Variants in USP5 observed in about 807,000 individuals in gnomAD.
USP5 encodes ubiquitin specific peptidase 5, also known as ubiquitin carboxyl-terminal hydrolase 5.
In USP5, 24 loss-of-function variants were observed where a neutral mutation model predicts 102.5. That is an observed-to-expected ratio of 0.23 (90% CI 0.17 to 0.33). The LOEUF is 0.33. Among genes scored for constraint, USP5 ranks in the 10% least tolerant of loss-of-function variants. The pLI, the probability that USP5 is intolerant of heterozygous loss-of-function variation, is 1.00. For synonymous variants in USP5, 460 were observed against 434.8 expected, an observed-to-expected ratio of 1.06 and a Z score of -0.72; for missense variants, 753 against 1,122.1, an observed-to-expected ratio of 0.67 and a Z score of 4.70.
rs1555130897 is a variant in USP5 at position 6,866,296 on chromosome 12, C to T, written c.*219C>T. 2.8e-5 allele frequency: 15 copies of T among 542,606 alleles called. No individual in the cohort carries two copies. The highest frequency in any genetic ancestry group is 1.9e-5 in the African/African-American group (1 of 53,104). 33.6% of individuals were successfully genotyped at this position (542,606 alleles called of 1,614,324 possible). A position where few individuals can be genotyped will look rare whatever the true frequency, so the allele number is the denominator to read the frequency against. On this transcript the variant is annotated 3_prime_UTR_variant, in exon 20 of 20. Transcript: ENST00000229268. The surrounding 1 kb of genome is among the most constrained non-coding windows in gnomAD (Gnocchi z 4.7). ...GCAGGACGGGGACGGGAGGGGCCGG[C>T]CACCTGTCTGTAAGGAGACTTTGTT...
chr12:6,857,630 C>T lies in USP5; in HGVS notation c.771C>T (p.Asp257=), dbSNP rs1336848084. The change falls in exon 7 of 20, where the codon GAC becomes GAT. Residue 257 remains aspartate (D), a splice_region_variant and synonymous_variant. Transcript: ENST00000229268. The stretch of plus-strand genomic sequence containing the variant: ...TTCTCTTCCTGCCTCCTGCTCTAGA[C>T]GTGTACTCATATGATGAGGATGACA... ...KLGTITPDGA[D]VYSYDEDDMV... 6.8e-6 allele frequency: 11 copies of T among 1,613,346 alleles called. No individual in the cohort carries two copies. Among genetic ancestry groups the T allele is most frequent in the South Asian group, 3.3e-5 (3 of 91,044 alleles).
At position 6,864,923 on chromosome 12, in the gene USP5, C is replaced by A; in HGVS notation, c.2398+48C>A. 1.9e-6 allele frequency: 3 copies of A among 1,584,874 alleles called. No homozygotes were observed. In the African/African-American group the frequency reaches 4.0e-5, roughly 21 times the overall value. ...ACAGGCCTGGTGGAATCTGGTCAGT[C>A]TACTACACCAGATCCCTCATTCAGG... On this transcript the variant is annotated intron_variant, in intron 18 of 19. Coordinates refer to ENST00000229268, the MANE Select transcript of USP5 (RefSeq NM_001098536.2). The surrounding 1 kb of genome is among the most constrained non-coding windows in gnomAD (Gnocchi z 4.8).
Position 6,864,969 on chromosome 12 carries a change from G to C in USP5, c.2398+94G>C. On this transcript the variant is annotated intron_variant, in intron 18 of 19. Transcript: ENST00000229268. The surrounding 1 kb of genome is among the most constrained non-coding windows in gnomAD (Gnocchi z 4.8). ...TCAGGCAGCTCTGCCCTCCTCAGGAGTCAGGGGCTTCTTTCCACCTCAACG... is the reference window on the plus strand; with the variant it reads ...TCAGGCAGCTCTGCCCTCCTCAGGACTCAGGGGCTTCTTTCCACCTCAACG... 6.6e-7 allele frequency: 1 copy of C among 1,508,750 alleles called. No homozygotes were observed. Among genetic ancestry groups the C allele is most frequent in the Non-Finnish European group, 8.9e-7 (1 of 1,123,072 alleles). 93.5% of individuals were successfully genotyped at this position (1,508,750 alleles called of 1,614,324 possible).
intron 6 of USP5, 124 bp downstream of exon 6, chr12:6,857,015 G>A: frequency 2.3e-6 from 3 of 1,305,544 alleles, no homozygotes; most frequent in Non-Finnish European, 3.1e-6. Flanking sequence ...GTCAGGTGCG[G>A]TGGCTCATGT....
At position 6,864,017 on chromosome 12, in the gene USP5, C is replaced by T; in HGVS notation, c.2099-33C>T. 2 of 1,584,276 alleles carry T rather than the reference C, an allele frequency of 1.3e-6. No individual in the cohort carries two copies. Among genetic ancestry groups the T allele is most frequent in the Non-Finnish European group, 1.7e-6 (2 of 1,160,612 alleles). ...CAGGGTGGGGCAGGGCCTCCATCCTCCCCCAAACACATCAACCCCTTCACA... is the reference window on the plus strand; with the variant it reads ...CAGGGTGGGGCAGGGCCTCCATCCTTCCCCAAACACATCAACCCCTTCACA... On this transcript the variant is annotated intron_variant, in intron 16 of 19. Coordinates refer to ENST00000229268, the MANE Select transcript of USP5 (RefSeq NM_001098536.2). The surrounding 1 kb of genome is among the most constrained non-coding windows in gnomAD (Gnocchi z 4.8).
rs782797766 is a variant in USP5, at chr12:6,858,056, C to G, written c.864+333C>G. Among the ~76,000 whole-genome samples the G allele has an allele frequency of 6.6e-6, 1 of 152,144 alleles. No homozygotes were observed. The highest frequency in any genetic ancestry group is 1.9e-4 in the East Asian group (1 of 5,156). On this transcript the variant is annotated intron_variant, in intron 7 of 19. Coordinates refer to ENST00000229268, the MANE Select transcript of USP5 (RefSeq NM_001098536.2). This position sits in a 1 kb window ranked among gnomAD's most constrained non-coding sequence, Gnocchi z 4.2. ...TGTGAAAGAGAGGCGGAGGGTACTA[C>G]AGTAATTGACAGCAGGGTGGCCTGG...
chr12:6,861,852 G>T lies in USP5; in HGVS notation c.1673+235G>T, dbSNP rs1183183629. On this transcript the variant is annotated intron_variant, in intron 13 of 19. Coordinates refer to ENST00000229268, the MANE Select transcript of USP5 (RefSeq NM_001098536.2). The surrounding 1 kb of genome is among the most constrained non-coding windows in gnomAD (Gnocchi z 4.9). ...ACCACTCCCTCTTCTGTGGCACAGG[G>T]TCTCTTTGTAGTGTAGCCTCTCTTC... Among the ~76,000 whole-genome samples, 2 of 152,212 alleles carry T rather than the reference G, an allele frequency of 1.3e-5. No homozygotes were observed. Among genetic ancestry groups the T allele is most frequent in the Non-Finnish European group, 1.5e-5 (1 of 68,036 alleles).
Position 6,863,679 on chromosome 12 carries a change from T to G in USP5, c.1955-151T>G. The stretch of plus-strand genomic sequence containing the variant: ...TGGGCAGGGACCCACATTACAATTG[T>G]GTGGTCATTTTGGTTTTGGGATAAG... On this transcript the variant is annotated intron_variant, in intron 15 of 19. Transcript: ENST00000229268. The surrounding 1 kb of genome is among the most constrained non-coding windows in gnomAD (Gnocchi z 4.7). 1 of 1,114,584 alleles carries G rather than the reference T, an allele frequency of 9.0e-7. No individual in the cohort carries two copies. The highest frequency in any genetic ancestry group is 1.3e-6 in the Non-Finnish European group (1 of 793,772). 69.0% of individuals were successfully genotyped at this position (1,114,584 alleles called of 1,614,324 possible). A position where few individuals can be genotyped will look rare whatever the true frequency, so the allele number is the denominator to read the frequency against.
rs1943937004 is a variant in USP5 at position 6,852,351 on chromosome 12, G to T, written c.111+61G>T. The T allele has an allele frequency of 7.9e-6, 12 of 1,509,832 alleles. No individual in the cohort carries two copies. The South Asian group carries it at 1.3e-4, about 17-fold the overall frequency. The allele number at this position is 1,509,832 out of a possible 1,614,324, so 93.5% of individuals were successfully genotyped here. A position where few individuals can be genotyped will look rare whatever the true frequency, so the allele number is the denominator to read the frequency against. On this transcript the variant is annotated intron_variant, in intron 1 of 19. Transcript: ENST00000229268. Reference sequence around the variant, plus strand: ...TTCCTTCCATCGCCCTGGTCATTCCGCTGGGGCCTGCAAGGCTTGGGCTAC... The same window carrying T: ...TTCCTTCCATCGCCCTGGTCATTCCTCTGGGGCCTGCAAGGCTTGGGCTAC...
Position 6,860,413 on chromosome 12 carries a change from C to T in USP5, c.1266C>T (p.Gly422=). ...IAPRMFKALI[G]KGHPEFSTNR... ...CTCGGATGTTCAAGGCCCTCATCGG[C>T]AAGGGCCACCCTGAATTCTCCACCA... Residue 422 remains glycine (G), a synonymous_variant, in exon 11 of 20, where the codon GGC becomes GGT. Coordinates refer to ENST00000229268, the MANE Select transcript of USP5 (RefSeq NM_001098536.2). This position sits in a 1 kb window ranked among gnomAD's most constrained non-coding sequence, Gnocchi z 5.5. The T allele has an allele frequency of 1.2e-6, 2 of 1,614,176 alleles. No individual in the cohort carries two copies. Among genetic ancestry groups the T allele is most frequent in the African/African-American group, 1.3e-5 (1 of 75,054 alleles).
intron 8 of USP5, 103 bp from the exon 9 acceptor site, chr12:6,859,367 C>G: frequency 8.3e-7 from 1 of 1,198,814 alleles, no homozygotes; most frequent in Non-Finnish European, 1.2e-6. Flanking sequence ...ACTCCCCACT[C>G]TTGAGGGGAG....
intron 14 of USP5, among the ~76,000 whole-genome samples, chr12:6,862,778 G>GT (rs1555129850): frequency 6.6e-6 from 1 of 152,158 alleles, no homozygotes; most frequent in Non-Finnish European, 1.5e-5. Flanking sequence ...GATTTTTGTA[G>GT]TTTTTTAAAA....
In USP5 at chr12:6,860,094, G is replaced by A; in HGVS notation, c.1131-57G>A. 1 of 1,584,720 alleles carries A rather than the reference G, an allele frequency of 6.3e-7. No individual in the cohort carries two copies. The highest frequency in any genetic ancestry group is 1.4e-5 in the African/African-American group (1 of 73,354). On this transcript the variant is annotated intron_variant, in intron 9 of 19. Transcript: ENST00000229268. The surrounding 1 kb of genome is among the most constrained non-coding windows in gnomAD (Gnocchi z 5.5). ...AGCCACGAGCAGGGGGTTGAGCTGGGGACACACAGGGTCGTTAGTTGACTG... is the reference window on the plus strand; with the variant it reads ...AGCCACGAGCAGGGGGTTGAGCTGGAGACACACAGGGTCGTTAGTTGACTG...
chr12:6,852,473 G>A (rs1943944310), intron 1 of USP5, among the ~76,000 whole-genome samples, 183 bp downstream of exon 1: 1 of 152,372 alleles, frequency 6.6e-6, no homozygotes, highest in Admixed American at 6.5e-5. Context: ...TACCGTCCCC[G>A]GAAGCCGCCG....
Position 6,864,061 on chromosome 12 carries a change from C to T in USP5, c.2110C>T (p.Pro704Ser), listed in dbSNP as rs1555130180. 6.2e-7 allele frequency: 1 copy of T among 1,606,928 alleles called. No homozygotes were observed. The highest frequency in any genetic ancestry group is 1.1e-5 in the South Asian group (1 of 90,382). Residue 704 changes from proline (P) to serine (S), a missense_variant, in exon 17 of 20, where the codon CCC becomes TCC. Physicochemically the swap from Pro to Ser is moderately conservative, Grantham distance 74 (BLOSUM62 -1). Transcript: ENST00000229268. The surrounding 1 kb of genome is among the most constrained non-coding windows in gnomAD (Gnocchi z 4.8). The part of the protein sequence containing the change: ...SHMDDPDFAN[P>S]LILPGSSGPG... ...CTTCACATCCACAGATTTTGCAAAC[C>T]CCCTCATCCTGCCTGGCTCTAGTGG...
rs782044155 is a variant in USP5 at position 6,860,357 on chromosome 12, T to C, written c.1219-9T>C. On this transcript the variant is annotated splice_polypyrimidine_tract_variant and intron_variant, in intron 10 of 19. Coordinates refer to ENST00000229268, the MANE Select transcript of USP5 (RefSeq NM_001098536.2). This position sits in a 1 kb window ranked among gnomAD's most constrained non-coding sequence, Gnocchi z 5.5. ...GCCCCAGCTGAGTCCCTGCCCTGAC[T>C]CTTCCCAGGAAGTTCAAGATGGCAT... is the stretch of plus-strand genomic sequence containing the variant. 22 of 1,613,998 alleles carry C rather than the reference T, an allele frequency of 1.4e-5. No individual in the cohort carries two copies. The highest frequency in any genetic ancestry group is 1.6e-5 in the Non-Finnish European group (19 of 1,180,010).
rs918770559 is a variant in USP5 at position 6,859,476 on chromosome 12, G to A, written c.1065G>A (p.Val355=). The A allele has an allele frequency of 6.2e-7, 1 of 1,614,018 alleles. No homozygotes were observed. The highest frequency in any genetic ancestry group is 1.3e-5 in the African/African-American group (1 of 74,902). ...TCCTTCCCTTGACTTTTAGGTATGT[G>A]GATAAGCTGGAGAAGATCTTCCAGA... The part of the protein sequence containing the change: ...FSIPDFQRKY[V]DKLEKIFQNA... The change falls in exon 9 of 20, where the codon GTG becomes GTA. Residue 355 remains valine (V), a synonymous_variant. Transcript: ENST00000229268.
At position 6,864,086 on chromosome 12, in the gene USP5, G is replaced by A; in HGVS notation, c.2135G>A (p.Gly712Glu). The part of the protein sequence containing the change: ...ANPLILPGSS[G>E]PGSTSAAADP... ...CCCCTCATCCTGCCTGGCTCTAGTG[G>A]GCCGGGCTCCACAAGCGCAGCAGCC... Residue 712 changes from glycine (G) to glutamate (E), a missense_variant, in exon 17 of 20, where the codon GGG becomes GAG. Physicochemically the swap from Gly to Glu is moderately conservative, Grantham distance 98 (BLOSUM62 -2). This residue lies in a region of USP5 where 193 missense variants were observed against 230.2 expected (regional missense o/e 0.84). Transcript: ENST00000229268. This position sits in a 1 kb window ranked among gnomAD's most constrained non-coding sequence, Gnocchi z 4.8. 6.2e-7 allele frequency: 1 copy of A among 1,613,424 alleles called. No homozygotes were observed. The highest frequency in any genetic ancestry group is 8.5e-7 in the Non-Finnish European group (1 of 1,179,604).
chr12:6,855,791 C>A lies in USP5; in HGVS notation c.274C>A (p.Pro92Thr). 6.2e-7 allele frequency: 1 copy of A among 1,614,214 alleles called. No homozygotes were observed. The highest frequency in any genetic ancestry group is 8.5e-7 in the Non-Finnish European group (1 of 1,180,032). ...CCCTGCTACAGGCACTGGAGACCCACCCCGGAAGAAGCCCACGCGGCTGGC... is the reference window on the plus strand; with the variant it reads ...CCCTGCTACAGGCACTGGAGACCCAACCCGGAAGAAGCCCACGCGGCTGGC... ...EDPATGTGDP[P>T]RKKPTRLAIG... is the part of the protein sequence containing the mutation. The change falls in exon 3 of 20, where the codon CCC becomes ACC. Residue 92 changes from proline (P) to threonine (T), a missense_variant. Physicochemically the swap from Pro to Thr is conservative, Grantham distance 38. Transcript: ENST00000229268. This position sits in a 1 kb window ranked among gnomAD's most constrained non-coding sequence, Gnocchi z 4.6.
Sources: allele counts gnomAD v4.1 joint callset (sites outside exome capture counted in the v4.1 genomes callset), GRCh38; gene constraint gnomAD v4.1.1; regional missense constraint gnomAD v4.1.1; non-coding constraint Gnocchi (gnomAD v3.1); transcripts MANE v1.5; gene names NCBI Gene and HGNC (gene_info 2026-07-23, HGNC 2026-07-21).